The following DCDC1 variants were observed in gnomAD, a reference collection of about 807,000 sequenced individuals.
DCDC1 encodes the protein doublecortin domain-containing protein 1.
Under a neutral mutation model 178.3 loss-of-function variants are expected in DCDC1, and 200 were observed. The ratio of observed to expected loss-of-function variants is 1.12; its 90% CI spans 1.00 to 1.26. The LOEUF is 1.26. Ranked by LOEUF, DCDC1 falls within the 50% of genes most tolerant of loss-of-function variation. DCDC1 has a pLI of 0.00. For synonymous variants in DCDC1, 690 were observed against 604.8 expected (o/e 1.14, Z -2.07); for missense variants, 1,983 against 1,749.2 (o/e 1.13, Z -2.38).
intron 20 of DCDC1, among the ~76,000 whole-genome samples, chr11:31,032,761 G>C (rs1391472683): frequency 6.6e-6 from 1 of 152,190 alleles, no homozygotes; most frequent in East Asian, 1.9e-4. Context: ...TGTGGGGACA[G>C]TTTTCTTTTC....
In DCDC1 at chr11:30,900,390, A is replaced by T; in HGVS notation, c.4619T>A (p.Ile1540Asn). ...TTCACCACAAGACACCCAGATGGCAATAGGATTTCTGAGGATGAGGGTAAG... is the reference window on the plus strand; with the variant it reads ...TTCACCACAAGACACCCAGATGGCATTAGGATTTCTGAGGATGAGGGTAAG... ...SLLTLILRNP[I>N]AIWVSCGEPF... The change falls in exon 33 of 39, where the codon ATT (isoleucine) becomes AAT (asparagine). Residue 1540 changes from isoleucine (I) to asparagine (N), a missense_variant. Physicochemically the swap from Ile to Asn is moderately radical, Grantham distance 149. Coordinates refer to ENST00000684477, the MANE Select transcript of DCDC1 (RefSeq NM_001387274.1). 6.3e-7 allele frequency: 1 copy of T among 1,579,202 alleles called. No individual in the cohort carries two copies. Among genetic ancestry groups the T allele is most frequent in the Non-Finnish European group, 8.6e-7 (1 of 1,161,960 alleles).
Position 31,307,905 on chromosome 11 carries a change from C to T in DCDC1, c.168G>A (p.Glu56=). The change falls in exon 4 of 39, where the codon GAG becomes GAA. Residue 56 remains glutamate, a synonymous_variant. Transcript: ENST00000684477. ...YKYILNDLPR[E]FMSSQAKAVI... Reference sequence around the variant, plus strand: ...CTGCTTTTGCCTGGGATGACATAAACTCTCTGGAAGAAACAATGCATGGAA... The same window carrying T: ...CTGCTTTTGCCTGGGATGACATAAATTCTCTGGAAGAAACAATGCATGGAA... The T allele has an allele frequency of 6.2e-7, 1 of 1,613,926 alleles. No individual in the cohort carries two copies. Among genetic ancestry groups the T allele is most frequent in the Non-Finnish European group, 8.5e-7 (1 of 1,179,902 alleles).
chr11:31,261,016 T>C (rs1944746136), intron 8 of DCDC1, among the ~76,000 whole-genome samples: 1 of 152,216 alleles, frequency 6.6e-6, no homozygotes, highest in African/African-American at 2.4e-5. Flanking sequence ...AATAGTTGTA[T>C]ATTCTCTGAT....
intron 8 of DCDC1, among the ~76,000 whole-genome samples, chr11:31,241,932 G>A (rs912124822): frequency 1.3e-5 from 2 of 151,932 alleles, no homozygotes; most frequent in African/African-American, 4.8e-5. Context: ...CAGATGAGTT[G>A]GAACCAACCT....
At chr11:31,084,489 T>G (rs1957362275) in intron 17 of DCDC1, among the ~76,000 whole-genome samples, 1 of 152,150 alleles carries the variant, frequency 6.6e-6, no homozygotes, top group Admixed American at 6.6e-5. Context: ...TCCTTCCTGC[T>G]TTCTAAAATG....
intron 20 of DCDC1, among the ~76,000 whole-genome samples, chr11:30,977,497 T>C (rs1950166611): frequency 6.6e-6 from 1 of 152,218 alleles, no homozygotes; most frequent in Non-Finnish European, 1.5e-5. Flanking sequence ...ATACCATAGT[T>C]TGCTTAACTA....
At chr11:31,245,640 G>T (rs2136933877) in intron 8 of DCDC1, among the ~76,000 whole-genome samples, 1 of 151,888 alleles carries the variant, frequency 6.6e-6, no homozygotes, top group Admixed American at 6.6e-5. Flanking sequence ...GAGAAGGCCA[G>T]AGATGGGTAT....
intron 3 of DCDC1, among the ~76,000 whole-genome samples, chr11:31,326,671 G>A (rs1949666977): frequency 6.6e-6 from 1 of 152,034 alleles, no homozygotes; most frequent in South Asian, 2.1e-4. Flanking sequence ...ATAGCTGAGA[G>A]GAATAAAGCA....
At chr11:31,307,964 A>C in intron 3 of DCDC1, 56 bp from the exon 4 acceptor site, 3 of 1,596,732 alleles carry the variant, frequency 1.9e-6, no homozygotes, top group Non-Finnish European at 2.6e-6. Flanking sequence ...TCATTTATTA[A>C]CAAATACCAT....
At chr11:31,360,073 G>A (rs1009302632) in intron 1 of DCDC1, among the ~76,000 whole-genome samples, 7 of 152,156 alleles carry the variant, frequency 4.6e-5, no homozygotes, top group Non-Finnish European at 7.3e-5. Context: ...TTTGTATTTA[G>A]GTCTGCCTCC....
At chr11:30,973,618 C>G (rs529302403) in intron 20 of DCDC1, among the ~76,000 whole-genome samples, 7 of 152,220 alleles carry the variant, frequency 4.6e-5, no homozygotes, top group Admixed American at 1.3e-4. Flanking sequence ...TTAGATAAAA[C>G]AGACGTTGGT....
intron 20 of DCDC1, among the ~76,000 whole-genome samples, chr11:31,035,060 G>A (rs1953935294): frequency 6.6e-6 from 1 of 152,072 alleles, no homozygotes; most frequent in Non-Finnish European, 1.5e-5. Flanking sequence ...TTTTGTGATT[G>A]CTTTGTTTCA....
At chr11:30,871,318 T>C (rs542595) in intron 38 of DCDC1, among the ~76,000 whole-genome samples, 8,681 of 152,130 alleles carry the variant, frequency 0.057, 799 homozygotes, top group African/African-American at 0.2. Flanking sequence ...GGCAGACTAC[T>C]GGGGTGGCCA....
chr11:30,939,510 C>T (rs1441345538), intron 21 of DCDC1, among the ~76,000 whole-genome samples: 1 of 152,202 alleles, frequency 6.6e-6, no homozygotes, highest in Non-Finnish European at 1.5e-5. Flanking sequence ...GGTAATTTAT[C>T]CCTCACCACA....
intron 11 of DCDC1, among the ~76,000 whole-genome samples, chr11:31,125,413 T>C (rs1961459463): frequency 6.6e-6 from 1 of 152,148 alleles, no homozygotes; most frequent in African/African-American, 2.4e-5. Context: ...TGATCCAGCA[T>C]CTCATTACTG....
chr11:30,881,388 A>G (rs932214672), intron 36 of DCDC1, 80 bp from the exon 37 acceptor site: 3 of 1,517,000 alleles, frequency 2.0e-6, no homozygotes, highest in Non-Finnish European at 2.7e-6. Context: ...CTCTTCTGAG[A>G]AAACTATTAT....
chr11:31,044,126 G>C (rs1316179136), intron 20 of DCDC1, among the ~76,000 whole-genome samples: 3 of 152,046 alleles, frequency 2.0e-5, no homozygotes, highest in African/African-American at 7.2e-5. Context: ...ACATGAGTCC[G>C]TTTAAACACA....
intron 20 of DCDC1, among the ~76,000 whole-genome samples, chr11:31,035,865 G>C (rs1953993501): frequency 6.6e-6 from 1 of 152,200 alleles, no homozygotes. Flanking sequence ...GTAAGAAAGA[G>C]TTGTTCCTTC....
chr11:30,902,269 C>T (rs188170691), intron 32 of DCDC1, among the ~76,000 whole-genome samples: 76 of 152,190 alleles, frequency 5.0e-4, no homozygotes, highest in African/African-American at 1.8e-3. Flanking sequence ...GTGCTGGGCT[C>T]CTTTGCCCTT....
Sources: gnomAD v4.1 joint callset for allele counts (sites outside exome capture counted in the v4.1 genomes callset) on GRCh38, gnomAD v4.1.1 for gene constraint, MANE v1.5 for transcripts, NCBI Gene and HGNC (gene_info 2026-07-23, HGNC 2026-07-21) for gene names.